The following WDPCP variants were observed in gnomAD, a reference collection of about 807,000 sequenced individuals.
WDPCP encodes WD repeat containing planar cell polarity effector.
WDPCP carries 71 observed loss-of-function variants against 93.1 expected under a neutral mutation model. The observed-to-expected ratio is 0.76, with a 90% CI of 0.63 to 0.93. The LOEUF (loss-of-function observed/expected upper bound fraction) is 0.93, where lower values mean the gene tolerates loss of function less well. Ranked by LOEUF, WDPCP falls within the 40% of genes least tolerant of loss-of-function variation. The probability of loss-of-function intolerance (pLI) is 0.00; values close to 1 mark genes in which losing one functional copy is unlikely to be tolerated. For missense variants in WDPCP, 844 were observed against 887.4 expected, an observed-to-expected ratio of 0.95 and a Z score of 0.62; for synonymous variants, 315 against 315.0, an observed-to-expected ratio of 1.00 and a Z score of 0.00.
chr2:63,567,326 T>A (rs1382841225), intron 1 of WDPCP, among the ~76,000 whole-genome samples: 1 of 152,132 alleles, frequency 6.6e-6, no homozygotes, highest in Non-Finnish European at 1.5e-5. Context: ...CAGCCACCAG[T>A]CATCTTAGCA....
At chr2:63,623,363 G>T (rs2106634015) in intron 3 of WDPCP, among the ~76,000 whole-genome samples, 1 of 152,252 alleles carries the variant, frequency 6.6e-6, no homozygotes, top group South Asian at 2.1e-4. Flanking sequence ...TGGGCTAAAT[G>T]CCCCAATTAA....
chr2:63,438,826 A>T (rs532146461), intron 7 of WDPCP, among the ~76,000 whole-genome samples: 13 of 152,094 alleles, frequency 8.5e-5, no homozygotes, highest in African/African-American at 1.4e-4. Flanking sequence ...ACTAGGACAT[A>T]CTTCCTTTGA....
intron 13 of WDPCP, among the ~76,000 whole-genome samples, chr2:63,270,981 C>T (rs1429765765): frequency 1.3e-5 from 2 of 152,200 alleles, no homozygotes; most frequent in African/African-American, 2.4e-5. Context: ...CCTGAATGTC[C>T]ACATCACTGG....
At chr2:63,287,623 A>T (rs1684106268) in intron 13 of WDPCP, among the ~76,000 whole-genome samples, 1 of 152,060 alleles carries the variant, frequency 6.6e-6, no homozygotes, top group Non-Finnish European at 1.5e-5. Context: ...TTCCTCACAA[A>T]CTCTGGTCCA....
chr2:63,755,651 G>A (rs2103897668), intron 2 of WDPCP, among the ~76,000 whole-genome samples: 1 of 152,138 alleles, frequency 6.6e-6, no homozygotes, highest in South Asian at 2.1e-4. Context: ...GAATCTCATA[G>A]GCAAAAGCTC....
At chr2:63,128,373 T>G (rs1288457899) in intron 17 of WDPCP, among the ~76,000 whole-genome samples, 1 of 152,152 alleles carries the variant, frequency 6.6e-6, no homozygotes, top group African/African-American at 2.4e-5. Context: ...ACTTTTTCCT[T>G]CCGTTTCTGT....
At chr2:63,657,317 G>A (rs1710180270) in intron 2 of WDPCP, among the ~76,000 whole-genome samples, 1 of 147,662 alleles carries the variant, frequency 6.8e-6, no homozygotes, top group Non-Finnish European at 1.5e-5. Flanking sequence ...CCATTCTCCT[G>A]CCTCAGCCTC....
At chr2:63,522,004 C>G (rs1358793324) in intron 1 of WDPCP, among the ~76,000 whole-genome samples, 2 of 151,916 alleles carry the variant, frequency 1.3e-5, no homozygotes, top group Non-Finnish European at 2.9e-5. Context: ...TACAACATAC[C>G]AAAATCTCTG....
chr2:63,470,610 T>C (rs1699635751), intron 6 of WDPCP, among the ~76,000 whole-genome samples: 1 of 152,146 alleles, frequency 6.6e-6, no homozygotes, highest in South Asian at 2.1e-4. Flanking sequence ...GCCTTCTAAC[T>C]CATCTTTTTC....
chr2:63,693,544 T>C (rs1668920126), intron 2 of WDPCP, among the ~76,000 whole-genome samples: 1 of 151,798 alleles, frequency 6.6e-6, no homozygotes, highest in African/African-American at 2.4e-5. Context: ...GGGGAGGATT[T>C]GAGGGGACAA....
intron 3 of WDPCP, among the ~76,000 whole-genome samples, chr2:63,615,330 C>A (rs1558867056): frequency 6.6e-6 from 1 of 152,136 alleles, no homozygotes. Flanking sequence ...GCCGCACCAA[C>A]AAAAAAGGAG....
chr2:63,619,199 A>AATAGTG (rs533436608), intron 3 of WDPCP, among the ~76,000 whole-genome samples: 99 of 152,276 alleles, frequency 6.5e-4, no homozygotes, highest in African/African-American at 2.2e-3. Context: ...AGCACGCAAA[A>AATAGTG]ATAGTGAAGG....
At chr2:63,168,324 T>G (rs919854948) in intron 15 of WDPCP, among the ~76,000 whole-genome samples, 6 of 152,102 alleles carry the variant, frequency 3.9e-5, no homozygotes, top group East Asian at 1.9e-4. Flanking sequence ...ATTCTGTAAT[T>G]AGTATGGTTA....
At chr2:63,527,950 T>C (rs1703479583) in intron 1 of WDPCP, among the ~76,000 whole-genome samples, 1 of 152,108 alleles carries the variant, frequency 6.6e-6, no homozygotes, top group Non-Finnish European at 1.5e-5. Flanking sequence ...TGGTTTTGAT[T>C]TGCATTTCTC....
chr2:63,584,242 C>A (rs1239463367), intron 1 of WDPCP, among the ~76,000 whole-genome samples: 2 of 152,062 alleles, frequency 1.3e-5, no homozygotes, highest in Non-Finnish European at 2.9e-5. Flanking sequence ...ACCCCAGTAC[C>A]CCGTCTCCTA....
At chr2:63,697,937 A>C (rs944512086) in intron 2 of WDPCP, among the ~76,000 whole-genome samples, 1 of 148,692 alleles carries the variant, frequency 6.7e-6, no homozygotes, top group Non-Finnish European at 1.5e-5. Context: ...GGTATGAGTC[A>C]CCATGCCCAG....
intron 17 of WDPCP, among the ~76,000 whole-genome samples, chr2:63,144,067 G>A (rs1057101770): frequency 4.6e-5 from 7 of 152,200 alleles, no homozygotes; most frequent in African/African-American, 1.7e-4. Flanking sequence ...TCTTCCTCAG[G>A]AACACTGATT....
At chr2:63,584,522 A>C (rs1308914613) in intron 1 of WDPCP, among the ~76,000 whole-genome samples, 1 of 151,868 alleles carries the variant, frequency 6.6e-6, no homozygotes, top group Non-Finnish European at 1.5e-5. Flanking sequence ...AATCAATCCA[A>C]TGGATTTCAA....
At chr2:63,352,586 T>A (rs1235215576) in intron 12 of WDPCP, among the ~76,000 whole-genome samples, 3 of 152,240 alleles carry the variant, frequency 2.0e-5, no homozygotes, top group African/African-American at 7.2e-5. Context: ...CATAGTAAGT[T>A]GTACTTGACA....
Sources: gnomAD v4.1 joint callset for allele counts (sites outside exome capture counted in the v4.1 genomes callset) on GRCh38, gnomAD v4.1.1 for gene constraint, MANE v1.5 for transcripts, NCBI Gene and HGNC (gene_info 2026-07-23, HGNC 2026-07-21) for gene names.